Variants in HSPA2 observed in about 807,000 individuals in gnomAD.
The protein encoded by HSPA2 is heat shock-related 70 kDa protein 2.
In HSPA2, 13 loss-of-function variants were observed where a neutral mutation model predicts 35.0. That is an observed-to-expected ratio of 0.37 (90% confidence interval 0.24 to 0.59). The LOEUF (loss-of-function observed/expected upper bound fraction) is 0.59. Ranked by LOEUF, HSPA2 falls within the 20% of genes least tolerant of loss-of-function variation. The pLI, the probability that HSPA2 is intolerant of heterozygous loss-of-function variation, is 0.70. For missense variants in HSPA2, 565 were observed against 885.4 expected (o/e 0.64, Z 4.59); for synonymous variants, 368 against 382.1 (o/e 0.96, Z 0.43).
Position 64,540,936 on chromosome 14 carries a change from C to A in HSPA2, c.87C>A (p.Ile29=), listed in dbSNP as rs745402839. 24 of 1,614,038 alleles carry A rather than the reference C, an allele frequency of 1.5e-5. No individual in the cohort carries two copies. Among genetic ancestry groups the A allele is most frequent in the African/African-American group, 2.7e-5 (2 of 74,946 alleles). Residue 29 remains isoleucine (I), a synonymous_variant, in exon 1 of 1, where the codon ATC becomes ATA. Coordinates refer to ENST00000247207, the MANE Select transcript of HSPA2 (RefSeq NM_021979.4). Reference sequence around the variant, plus strand: ...TCTTCCAACATGGCAAGGTGGAGATCATCGCCAACGACCAGGGCAATCGCA... The same window carrying A: ...TCTTCCAACATGGCAAGGTGGAGATAATCGCCAACGACCAGGGCAATCGCA... ...VGVFQHGKVE[I]IANDQGNRTT...
chr14:64,537,495 G>T (rs554681905), upstream of HSPA2, among the ~76,000 whole-genome samples: 38 of 151,794 alleles, frequency 2.5e-4, no homozygotes, highest in South Asian at 3.3e-3. Flanking sequence ...GAAGGCTGAG[G>T]CACGACAATC....
chr14:64,539,237 G>A (rs1396436731), upstream of HSPA2, among the ~76,000 whole-genome samples: 5 of 152,110 alleles, frequency 3.3e-5, no homozygotes, highest in Non-Finnish European at 7.3e-5. Context: ...CCTTCTCGGA[G>A]GGTTTATGCC....
At chr14:64,538,412 C>T (rs560092491), upstream of HSPA2, among the ~76,000 whole-genome samples, 3 of 152,206 alleles carry the variant, frequency 2.0e-5, no homozygotes, top group African/African-American at 7.2e-5. Context: ...ACCTGAAGAG[C>T]CTATTGCTTG....
Position 64,541,713 on chromosome 14 carries a change from C to T in HSPA2, c.864C>T (p.Asp288=). The part of the protein sequence containing the change: ...SSSTQASIEI[D]SLYEGVDFYT... ...CCACGCAGGCGAGCATCGAGATCGA[C>T]TCGCTCTACGAGGGCGTGGACTTCT... Residue 288 remains aspartate (D), a synonymous_variant, in exon 1 of 1, where the codon GAC becomes GAT. Coordinates refer to ENST00000247207, the MANE Select transcript of HSPA2 (RefSeq NM_021979.4). 1 of 1,611,910 alleles carries T rather than the reference C, an allele frequency of 6.2e-7. No homozygotes were observed. Among genetic ancestry groups the T allele is most frequent in the South Asian group, 1.1e-5 (1 of 90,976 alleles).
Position 64,542,401 on chromosome 14 carries a change from A to G in HSPA2, c.1552A>G (p.Ile518Val), listed in dbSNP as rs867605397. 4 of 1,613,890 alleles carry G rather than the reference A, an allele frequency of 2.5e-6. No homozygotes were observed. Among genetic ancestry groups the G allele is most frequent in the Non-Finnish European group, 3.4e-6 (4 of 1,179,932 alleles). Reference protein sequence around the residue: ...NDKGRLSKDDIDRMVQEAERY... With the variant: ...NDKGRLSKDDVDRMVQEAERY... ...CAAAGGTCGTCTGAGCAAGGACGAC[A>G]TTGACCGGATGGTGCAGGAGGCGGA... Residue 518 changes from isoleucine (I) to valine (V), a missense_variant, in exon 1 of 1, where the codon ATT becomes GTT. Around this residue, in one of 4 missense-constraint regions of HSPA2, gnomAD observed 147 missense variants for 166.7 expected, o/e 0.88. Transcript: ENST00000247207. The surrounding 1 kb of genome is among the most constrained non-coding windows in gnomAD (Gnocchi z 5.7).
upstream of HSPA2, among the ~76,000 whole-genome samples, chr14:64,536,273 A>AT (rs1347657368): frequency 6.6e-6 from 1 of 152,108 alleles, no homozygotes; most frequent in African/African-American, 2.4e-5. Context: ...CTTGTAAACC[A>AT]TTTTTACGGC....
At chr14:64,537,230 C>G (rs1035109284), upstream of HSPA2, among the ~76,000 whole-genome samples, 2 of 150,906 alleles carry the variant, frequency 1.3e-5, no homozygotes, top group Non-Finnish European at 2.9e-5. Flanking sequence ...CACTAATTCC[C>G]TTTTCTAAAA....
upstream of HSPA2, among the ~76,000 whole-genome samples, chr14:64,538,072 A>T (rs1308585576): frequency 6.6e-6 from 1 of 152,144 alleles, no homozygotes; most frequent in Non-Finnish European, 1.5e-5. Flanking sequence ...ATTTTTTCAA[A>T]TTCATGGAAA....
upstream of HSPA2, among the ~76,000 whole-genome samples, chr14:64,538,930 C>T (rs1566641752): frequency 6.6e-6 from 1 of 152,178 alleles, no homozygotes; most frequent in Non-Finnish European, 1.5e-5. Flanking sequence ...CTCTGCCTCT[C>T]GAGTAGCTGG....
chr14:64,536,559 G>A (rs1031025831), upstream of HSPA2, among the ~76,000 whole-genome samples: 2 of 152,204 alleles, frequency 1.3e-5, no homozygotes, highest in South Asian at 2.1e-4. Context: ...TAAGGAGTTC[G>A]AGACCAGACT....
upstream of HSPA2, chr14:64,540,524 A>C: frequency 1.2e-5 from 4 of 336,452 alleles, no homozygotes; most frequent in Non-Finnish European, 2.2e-5. Flanking sequence ...TCAGGGAGGA[A>C]CCTCATTTAC....
At chr14:64,539,578 C>T (rs1010277696), upstream of HSPA2, among the ~76,000 whole-genome samples, 11 of 152,214 alleles carry the variant, frequency 7.2e-5, no homozygotes, top group African/African-American at 2.4e-4. Context: ...GACAAGTCGC[C>T]GCCACACCCC....
chr14:64,539,055 C>A (rs988956950), upstream of HSPA2, among the ~76,000 whole-genome samples: 3 of 152,186 alleles, frequency 2.0e-5, no homozygotes, highest in Non-Finnish European at 4.4e-5. Context: ...ATCCACCTAC[C>A]GCGGCCTTTC....
rs757736716 is a variant in HSPA2, at chr14:64,541,446, C to T, written c.597C>T (p.Leu199=). 9 of 1,613,688 alleles carry T rather than the reference C, an allele frequency of 5.6e-6. No individual in the cohort carries two copies. The South Asian group carries it at 7.7e-5, about 14-fold the overall frequency. Residue 199 remains leucine (L), a synonymous_variant, in exon 1 of 1, where the codon CTC becomes CTT. Transcript: ENST00000247207. ...GCGCGGGCGGCGAGAAGAACGTGCT[C>T]ATCTTTGACCTGGGCGGTGGCACTT... ...KGCAGGEKNV[L]IFDLGGGTFD... is the part of the protein sequence containing the mutation.
Position 64,541,962 on chromosome 14 carries a change from G to A in HSPA2, c.1113G>A (p.Ala371=), listed in dbSNP as rs150435471. 1.4e-5 allele frequency: 22 copies of A among 1,613,540 alleles called. No homozygotes were observed. The highest frequency in any genetic ancestry group is 1.8e-5 in the Non-Finnish European group (21 of 1,180,002). Residue 371 remains alanine (A), a synonymous_variant, in exon 1 of 1, where the codon GCG becomes GCA. Coordinates refer to ENST00000247207, the MANE Select transcript of HSPA2 (RefSeq NM_021979.4). ...ACAAGAGCATCAACCCCGACGAGGC[G>A]GTGGCCTATGGCGCCGCGGTGCAGG... The part of the protein sequence containing the change: ...ELNKSINPDE[A]VAYGAAVQAA...
rs45456191 is a variant in HSPA2, at chr14:64,541,420, T to A, written c.571T>A (p.Cys191Ser). Residue 191 changes from cysteine (C) to serine (S), a missense_variant, in exon 1 of 1, where the codon TGC becomes AGC. By Grantham distance (112) the Cys-to-Ser change is moderately radical (BLOSUM62 -1). This residue lies in a region of HSPA2 where 183 missense variants were observed against 281.6 expected (regional missense o/e 0.65). Transcript: ENST00000247207. ...CGCCTACGGCCTGGACAAGAAGGGC[T>A]GCGCGGGCGGCGAGAAGAACGTGCT... is the stretch of plus-strand genomic sequence containing the variant. ...AIAYGLDKKG[C>S]AGGEKNVLIF... is the part of the protein sequence containing the mutation. 23,693 of 1,613,312 alleles carry A rather than the reference T, an allele frequency of 0.015. 427 individuals carry two copies. The highest frequency in any genetic ancestry group is 0.068 in the South Asian group (6,207 of 91,054).
chr14:64,540,591 T>C (rs967550888), upstream of HSPA2: 1 of 539,572 alleles, frequency 1.9e-6, no homozygotes, highest in African/African-American at 1.9e-5. Context: ...CTCGTCCAAC[T>C]TGAAATCTGT....
rs750148346 is a variant in HSPA2, at chr14:64,541,190, C to A, written c.341C>A (p.Thr114Asn). Residue 114 changes from threonine (T) to asparagine (N), a missense_variant, in exon 1 of 1, where the codon ACC (threonine) becomes AAC (asparagine). Physicochemically the swap from Thr to Asn is moderately conservative, Grantham distance 65. Coordinates refer to ENST00000247207, the MANE Select transcript of HSPA2 (RefSeq NM_021979.4). ...VQVEYKGETK[T>N]FFPEEISSMV... ...GTAGAGTACAAGGGGGAGACCAAGACCTTCTTCCCAGAGGAGATATCCTCC... is the reference window on the plus strand; with the variant it reads ...GTAGAGTACAAGGGGGAGACCAAGAACTTCTTCCCAGAGGAGATATCCTCC... 22 of 1,614,000 alleles carry A rather than the reference C, an allele frequency of 1.4e-5. No homozygotes were observed. The Admixed American group carries it at 3.2e-4, about 23-fold the overall frequency.
In HSPA2 at chr14:64,542,423, C is replaced by T; in HGVS notation, c.1574C>T (p.Ala525Val). The stretch of plus-strand genomic sequence containing the variant: ...GACATTGACCGGATGGTGCAGGAGG[C>T]GGAGCGGTACAAATCGGAAGATGAG... ...KDDIDRMVQE[A>V]ERYKSEDEAN... The change falls in exon 1 of 1, where the codon GCG (alanine) becomes GTG (valine). Residue 525 changes from alanine to valine, a missense_variant. This residue lies in a region of HSPA2 where 147 missense variants were observed against 166.7 expected (regional missense o/e 0.88). Transcript: ENST00000247207. This position sits in a 1 kb window ranked among gnomAD's most constrained non-coding sequence, Gnocchi z 5.7. The T allele has an allele frequency of 6.2e-7, 1 of 1,613,766 alleles. No homozygotes were observed. Among genetic ancestry groups the T allele is most frequent in the African/African-American group, 1.3e-5 (1 of 74,960 alleles).
Sources: gnomAD v4.1 joint callset for allele counts (sites outside exome capture counted in the v4.1 genomes callset) on GRCh38, gnomAD v4.1.1 for gene constraint, gnomAD v4.1.1 regional missense constraint, Gnocchi (gnomAD v3.1) non-coding constraint, MANE v1.5 for transcripts, NCBI Gene and HGNC (gene_info 2026-07-23, HGNC 2026-07-21) for gene names.